The following CADPS variants were observed in gnomAD, a reference collection of about 807,000 sequenced individuals.
The protein encoded by CADPS is calcium dependent secretion activator.
CADPS carries 57 observed loss-of-function variants against 167.3 expected under a neutral mutation model. The ratio of observed to expected loss-of-function variants is 0.34; its 90% confidence interval spans 0.28 to 0.42. The LOEUF (loss-of-function observed/expected upper bound fraction) is 0.42, where lower values mean the gene tolerates loss of function less well. Among genes scored for constraint, CADPS ranks in the 20% least tolerant of loss-of-function variants. The pLI, the probability that CADPS is intolerant of heterozygous loss-of-function variation, is 1.00. For synonymous variants in CADPS, 676 were observed against 635.3 expected (o/e 1.06, Z -0.96); for missense variants, 1,414 against 1,738.1 (o/e 0.81, Z 3.32).
At chr3:62,766,068 C>G in intron 1 of CADPS, 84 bp from the exon 2 acceptor site, 1 of 956,070 alleles carries the variant, frequency 1.0e-6, no homozygotes, top group East Asian at 2.4e-5. Flanking sequence ...ATGCCAGACC[C>G]ATTGGTGTAT....
rs765741289 is a variant in CADPS at position 62,532,942 on chromosome 3, A to G, written c.2220T>C (p.Asn740=). The part of the protein sequence containing the change: ...YLRDLLERAE[N]GAMIDPTLLH... The stretch of plus-strand genomic sequence containing the variant: ...GAAGGGTGGGGTCGATCATGGCGCC[A>G]TTTTCTGCCCGTTCAAGCAAGTCTC... Residue 740 remains asparagine, a synonymous_variant, in exon 13 of 30, where the codon AAT becomes AAC. Coordinates refer to ENST00000383710, the MANE Select transcript of CADPS (RefSeq NM_003716.4). 1.2e-5 allele frequency: 20 copies of G among 1,613,494 alleles called. No individual in the cohort carries two copies. The highest frequency in any genetic ancestry group is 1.7e-5 in the Admixed American group (1 of 59,950).
chr3:62,520,390 T>A (rs1484922084), intron 13 of CADPS, among the ~76,000 whole-genome samples: 1 of 152,198 alleles, frequency 6.6e-6, no homozygotes, highest in African/African-American at 2.4e-5. Flanking sequence ...GTTTTTTCCT[T>A]TTGTTCTGAT....
At chr3:62,452,693 A>G (rs1454749104) in intron 26 of CADPS, among the ~76,000 whole-genome samples, 2 of 152,246 alleles carry the variant, frequency 1.3e-5, no homozygotes, top group African/African-American at 4.8e-5. Context: ...GTACCAAGAC[A>G]GGAAGAACAA....
chr3:62,873,651 C>T (rs140052102), intron 1 of CADPS, among the ~76,000 whole-genome samples: 3,248 of 147,946 alleles, frequency 0.022, 62 homozygotes, highest in South Asian at 0.054. Context: ...AAAGGCAGCC[C>T]AGAGCTATGT....
At chr3:62,441,926 A>G (rs542664596) in intron 27 of CADPS, among the ~76,000 whole-genome samples, 79 of 152,160 alleles carry the variant, frequency 5.2e-4, no homozygotes, top group Non-Finnish European at 9.3e-4. Context: ...AACTTGTACT[A>G]CTTATCAGAA....
At chr3:62,738,587 G>C (rs566476169) in intron 3 of CADPS, among the ~76,000 whole-genome samples, 11 of 152,012 alleles carry the variant, frequency 7.2e-5, no homozygotes, top group Non-Finnish European at 1.2e-4. Context: ...TTAACTGAGC[G>C]TGGTGGCAGG....
At chr3:62,447,265 A>G (rs554308630) in intron 26 of CADPS, among the ~76,000 whole-genome samples, 4 of 152,208 alleles carry the variant, frequency 2.6e-5, no homozygotes, top group Non-Finnish European at 5.9e-5. Context: ...ACGCATGAGA[A>G]AGTGCTTTGT....
At chr3:62,484,370 T>C (rs966981061) in intron 21 of CADPS, among the ~76,000 whole-genome samples, 1 of 152,150 alleles carries the variant, frequency 6.6e-6, no homozygotes, top group Non-Finnish European at 1.5e-5. Flanking sequence ...TAGCACTTAG[T>C]TCCAATCAGG....
chr3:62,464,171 G>T (rs187547680), intron 26 of CADPS, among the ~76,000 whole-genome samples: 2 of 152,258 alleles, frequency 1.3e-5, no homozygotes, highest in East Asian at 3.9e-4. Flanking sequence ...CATATTATCT[G>T]CCCTGCACTC....
At chr3:62,533,679 A>C (rs540644926) in intron 12 of CADPS, among the ~76,000 whole-genome samples, 1 of 152,294 alleles carries the variant, frequency 6.6e-6, no homozygotes, top group Non-Finnish European at 1.5e-5. Flanking sequence ...CTAGAGCATG[A>C]AGAAATTTTA....
At chr3:62,834,727 A>AT (rs1408558419) in intron 1 of CADPS, among the ~76,000 whole-genome samples, 6 of 152,156 alleles carry the variant, frequency 3.9e-5, no homozygotes, top group African/African-American at 1.4e-4. Context: ...TCATTATCAA[A>AT]TTTTATTTGC....
intron 4 of CADPS, among the ~76,000 whole-genome samples, chr3:62,656,650 A>G (rs1011181565): frequency 1.3e-5 from 2 of 152,194 alleles, no homozygotes; most frequent in East Asian, 1.9e-4. Flanking sequence ...TTCCACCATT[A>G]CCCAGACAAT....
chr3:62,681,706 A>G (rs879339858), intron 3 of CADPS, among the ~76,000 whole-genome samples: 28 of 152,086 alleles, frequency 1.8e-4, no homozygotes, highest in Non-Finnish European at 3.8e-4. Context: ...CTGGATTCCC[A>G]TGTAATGCAG....
chr3:62,770,592 A>T (rs1427887288), intron 1 of CADPS, among the ~76,000 whole-genome samples: 2 of 151,950 alleles, frequency 1.3e-5, no homozygotes, highest in Non-Finnish European at 2.9e-5. Context: ...CGCCCAGCTA[A>T]TTTTTGTATT....
In CADPS at chr3:62,862,922, A is replaced by G. The variant is rs576415859; in HGVS notation, c.441+11667T>C. Among the ~76,000 whole-genome samples, 10 of 152,336 alleles carry G rather than the reference A, an allele frequency of 6.6e-5. No individual in the cohort carries two copies. In the South Asian group the frequency reaches 2.1e-3, roughly 32 times the overall value. On this transcript the variant is annotated intron_variant, in intron 1 of 29. Coordinates refer to ENST00000383710, the MANE Select transcript of CADPS (RefSeq NM_003716.4). ...TCTGGACCTAACTTTTACTTGTTAC[A>G]AAACAGGAATTTATAACTCGTCTCA...
At chr3:62,812,063 G>T (rs777470971) in intron 1 of CADPS, among the ~76,000 whole-genome samples, 2 of 152,010 alleles carry the variant, frequency 1.3e-5, no homozygotes, top group African/African-American at 2.4e-5. Context: ...ATGAGGCAAA[G>T]TATTTACACA....
intron 24 of CADPS, among the ~76,000 whole-genome samples, chr3:62,469,343 G>A (rs1168588312): frequency 1.3e-5 from 2 of 152,122 alleles, no homozygotes. Context: ...ATATTGTTCT[G>A]TGCAGATGTG....
intron 28 of CADPS, among the ~76,000 whole-genome samples, chr3:62,435,879 T>C (rs1178659510): frequency 1.3e-5 from 2 of 152,108 alleles, no homozygotes; most frequent in Admixed American, 1.3e-4. Context: ...TGGAGTTACT[T>C]GTGAATTTTT....
At chr3:62,710,485 A>G (rs1462690354) in intron 3 of CADPS, among the ~76,000 whole-genome samples, 1 of 152,184 alleles carries the variant, frequency 6.6e-6, no homozygotes, top group Non-Finnish European at 1.5e-5. Context: ...AATCTTAAAT[A>G]TATAGGTCAA....
Sources: allele counts gnomAD v4.1 joint callset (sites outside exome capture counted in the v4.1 genomes callset), GRCh38; gene constraint gnomAD v4.1.1; transcripts MANE v1.5; gene names NCBI Gene and HGNC (gene_info 2026-07-23, HGNC 2026-07-21).